The following ARHGEF10L variants were observed in gnomAD, a reference collection of about 807,000 sequenced individuals.
The protein encoded by ARHGEF10L is rho guanine nucleotide exchange factor 10-like protein.
A neutral mutation model predicts 141.2 loss-of-function variants in ARHGEF10L; 69 were observed. The ratio of observed to expected loss-of-function variants is 0.49; its 90% CI spans 0.40 to 0.60. The LOEUF is 0.60. ARHGEF10L is among the 20% of genes least tolerant of loss of function. ARHGEF10L has a pLI of 0.00. For missense variants in ARHGEF10L, 1,482 were observed against 1,734.3 expected (o/e 0.85, Z 2.58); for synonymous variants, 711 against 718.5 (o/e 0.99, Z 0.17).
At chr1:17,581,932 G>A (rs756659938) in intron 2 of ARHGEF10L, among the ~76,000 whole-genome samples, 1 of 151,902 alleles carries the variant, frequency 6.6e-6, no homozygotes, top group African/African-American at 2.4e-5. Flanking sequence ...TGTGGCAATG[G>A]GTGGCTTCCT....
intron 27 of ARHGEF10L, among the ~76,000 whole-genome samples, chr1:17,688,881 A>G (rs1180766478): frequency 6.6e-6 from 1 of 152,038 alleles, no homozygotes; most frequent in East Asian, 1.9e-4. Flanking sequence ...GCCAGTCACG[A>G]TGGTCCTTGA....
chr1:17,604,273 C>G (rs941915347), intron 6 of ARHGEF10L, among the ~76,000 whole-genome samples: 23 of 152,038 alleles, frequency 1.5e-4, no homozygotes, highest in Non-Finnish European at 5.9e-5. Flanking sequence ...ATGCTCTGTC[C>G]CCTACCCCAG....
chr1:17,651,827 A>G (rs2061954570), intron 22 of ARHGEF10L, among the ~76,000 whole-genome samples: 1 of 152,156 alleles, frequency 6.6e-6, no homozygotes, highest in African/African-American at 2.4e-5. Flanking sequence ...GCCAGAGCAG[A>G]GCCTGCCTGG....
At chr1:17,675,323 C>T (rs1231813618) in intron 26 of ARHGEF10L, among the ~76,000 whole-genome samples, 7 of 152,244 alleles carry the variant, frequency 4.6e-5, no homozygotes, top group Admixed American at 1.3e-4. Flanking sequence ...CCCACCTCCC[C>T]GCACTGTCAC....
Position 17,619,526 on chromosome 1 carries a change from C to A in ARHGEF10L, c.942+81C>A. 8.7e-7 allele frequency: 1 copy of A among 1,151,692 alleles called. No homozygotes were observed. Among genetic ancestry groups the A allele is most frequent in the Non-Finnish European group, 1.2e-6 (1 of 816,310 alleles). 71.3% of individuals were successfully genotyped at this position (1,151,692 alleles called of 1,614,324 possible). ...TTCCAGCCTGTTCTCTGGGGCCACGCTTGTCTGGATCTCACAGGGGATATG... is the reference window on the plus strand; with the variant it reads ...TTCCAGCCTGTTCTCTGGGGCCACGATTGTCTGGATCTCACAGGGGATATG... On this transcript the variant is annotated intron_variant, in intron 10 of 28. Coordinates refer to ENST00000361221, the MANE Select transcript of ARHGEF10L (RefSeq NM_018125.4). This position sits in a 1 kb window ranked among gnomAD's most constrained non-coding sequence, Gnocchi z 5.0.
chr1:17,679,829 G>A (rs2063976468), intron 26 of ARHGEF10L, among the ~76,000 whole-genome samples: 1 of 152,278 alleles, frequency 6.6e-6, no homozygotes, highest in Middle Eastern at 3.4e-3. Flanking sequence ...CACCTGCCAG[G>A]TGTCTGTGGG....
At chr1:17,546,617 C>T (rs2076924591) in intron 1 of ARHGEF10L, among the ~76,000 whole-genome samples, 1 of 152,124 alleles carries the variant, frequency 6.6e-6, no homozygotes, top group Non-Finnish European at 1.5e-5. Context: ...TTCCTTTTCC[C>T]TTTGAGGAGG....
At chr1:17,669,717 G>A (rs1464530061) in intron 26 of ARHGEF10L, among the ~76,000 whole-genome samples, 1 of 152,222 alleles carries the variant, frequency 6.6e-6, no homozygotes, top group African/African-American at 2.4e-5. Context: ...ACTGTGTTGT[G>A]TTCATCTTTG....
chr1:17,637,739 C>T (rs568800144), intron 18 of ARHGEF10L, 149 bp from the exon 19 acceptor site: 28 of 596,796 alleles, frequency 4.7e-5, no homozygotes, highest in African/African-American at 2.1e-4. Context: ...CTCCTGACCT[C>T]GTGATCTGCC....
rs1259989755 is a variant in ARHGEF10L, at chr1:17,644,859, C to G, written c.2273-3695C>G. On this transcript the variant is annotated intron_variant, in intron 21 of 28. Coordinates refer to ENST00000361221, the MANE Select transcript of ARHGEF10L (RefSeq NM_018125.4). This position sits in a 1 kb window ranked among gnomAD's most constrained non-coding sequence, Gnocchi z 4.5. ...TCCGGAGTGCCTGGTGTCTGCTGGT[C>G]ATGATATATATGATTTCCAGTGCTC... Among the ~76,000 whole-genome samples, 1 of 152,118 alleles carries G rather than the reference C, an allele frequency of 6.6e-6. No individual in the cohort carries two copies. Among genetic ancestry groups the G allele is most frequent in the East Asian group, 1.9e-4 (1 of 5,186 alleles).
intron 26 of ARHGEF10L, among the ~76,000 whole-genome samples, chr1:17,685,104 C>A (rs751623375): frequency 2.0e-5 from 3 of 152,182 alleles, no homozygotes; most frequent in Admixed American, 2.0e-4. Flanking sequence ...GGCCATCCTC[C>A]AGGGCAAAAG....
At chr1:17,587,322 T>G in intron 2 of ARHGEF10L, 138 bp from the exon 3 acceptor site, 30 of 872,672 alleles carry the variant, frequency 3.4e-5, no homozygotes, top group Non-Finnish European at 4.3e-5. Context: ...CCATGTGGCT[T>G]GAGTTTGATG....
At position 17,619,079 on chromosome 1, in the gene ARHGEF10L, C is replaced by T. The variant is rs1384223800; in HGVS notation, c.836-260C>T. Among the ~76,000 whole-genome samples, 1 of 152,150 alleles carries T rather than the reference C, an allele frequency of 6.6e-6. No individual in the cohort carries two copies. The highest frequency in any genetic ancestry group is 1.5e-5 in the Non-Finnish European group (1 of 68,018). On this transcript the variant is annotated intron_variant, in intron 9 of 28. Transcript: ENST00000361221. This position sits in a 1 kb window ranked among gnomAD's most constrained non-coding sequence, Gnocchi z 5.0. ...CCGAGAACCCAGGCCCCACAGGACG[C>T]AGCTTTGATTTCTGCCTGTTCACCC...
chr1:17,663,467 C>A (rs146426262), intron 25 of ARHGEF10L, among the ~76,000 whole-genome samples: 151 of 151,590 alleles, frequency 1.0e-3, no homozygotes, highest in African/African-American at 3.5e-3. Context: ...GCAAGAGAAT[C>A]GCTGGAACCC....
chr1:17,697,461 G>C lies in ARHGEF10L; in HGVS notation c.*81G>C. On this transcript the variant is annotated 3_prime_UTR_variant, in exon 29 of 29. Coordinates refer to ENST00000361221, the MANE Select transcript of ARHGEF10L (RefSeq NM_018125.4). This position sits in a 1 kb window ranked among gnomAD's most constrained non-coding sequence, Gnocchi z 4.8. ...GGCTCTCGTGCTCTAGGACCTGCAC[G>C]GGACTTGTGGATGGGCCTGGACTCT... is the stretch of plus-strand genomic sequence containing the variant. The C allele has an allele frequency of 1.3e-6, 2 of 1,482,968 alleles. No homozygotes were observed. The highest frequency in any genetic ancestry group is 1.8e-6 in the Non-Finnish European group (2 of 1,105,656). The allele number at this position is 1,482,968 out of a possible 1,614,324, so 91.9% of individuals were successfully genotyped here.
At chr1:17,525,686 AT>A in the ARHGEF10L span, among the ~76,000 whole-genome samples, 53 of 151,974 alleles carry the variant, frequency 3.5e-4, 1 homozygote, top group African/African-American at 1.3e-3. Flanking sequence ...AATAAATAAA[AT>A]CATTCTTTTA....
intron 16 of ARHGEF10L, among the ~76,000 whole-genome samples, chr1:17,632,838 G>C (rs1472418274): frequency 6.6e-6 from 1 of 152,242 alleles, no homozygotes; most frequent in Non-Finnish European, 1.5e-5. Flanking sequence ...GCTCTGGCCA[G>C]ATTGCAGAAT....
At chr1:17,620,049 A>C (rs1570979786) in intron 10 of ARHGEF10L, among the ~76,000 whole-genome samples, 1 of 152,058 alleles carries the variant, frequency 6.6e-6, no homozygotes, top group African/African-American at 2.4e-5. Context: ...AACAAACAAA[A>C]AAAATTAGAT....
intron 21 of ARHGEF10L, among the ~76,000 whole-genome samples, chr1:17,642,279 T>A (rs1163062755): frequency 6.6e-6 from 1 of 152,010 alleles, no homozygotes; most frequent in African/African-American, 2.4e-5. Context: ...AAATATCTGG[T>A]CAGAGTGATC....
Sources: allele counts gnomAD v4.1 joint callset (sites outside exome capture counted in the v4.1 genomes callset), GRCh38; gene constraint gnomAD v4.1.1; non-coding constraint Gnocchi (gnomAD v3.1); transcripts MANE v1.5; gene names NCBI Gene and HGNC (gene_info 2026-07-23, HGNC 2026-07-21).